PCDHGC4: variants seen among roughly 807,000 people sequenced by gnomAD.
The protein encoded by PCDHGC4 is protocadherin gamma-C4.
A neutral mutation model predicts 59.7 loss-of-function variants in PCDHGC4; 15 were observed. The observed-to-expected ratio is 0.25, with a 90% confidence interval of 0.17 to 0.39. The LOEUF (loss-of-function observed/expected upper bound fraction) is 0.39. Among genes scored for constraint, PCDHGC4 ranks in the 10% least tolerant of loss-of-function variants. PCDHGC4 has a pLI of 1.00. For synonymous variants in PCDHGC4, 434 were observed against 481.4 expected, an observed-to-expected ratio of 0.90 and a Z score of 1.29; for missense variants, 1,016 against 1,189.5, an observed-to-expected ratio of 0.85 and a Z score of 2.15.
intron 2 of PCDHGC4, among the ~76,000 whole-genome samples, chr5:141,499,884 C>T (rs917762715): frequency 2.0e-5 from 3 of 152,014 alleles, no homozygotes; most frequent in Admixed American, 6.5e-5. Flanking sequence ...AACAGGGTTT[C>T]GCCATGTTGG....
chr5:141,496,511 C>T (rs1161285563), intron 2 of PCDHGC4, among the ~76,000 whole-genome samples: 1 of 152,182 alleles, frequency 6.6e-6, no homozygotes, highest in Non-Finnish European at 1.5e-5. Flanking sequence ...CACAAGGACC[C>T]AGGAGCCCTT....
At chr5:141,506,252 C>T (rs1158047426) in intron 3 of PCDHGC4, among the ~76,000 whole-genome samples, 1 of 151,968 alleles carries the variant, frequency 6.6e-6, no homozygotes, top group African/African-American at 2.4e-5. Flanking sequence ...AGTTCGAAAC[C>T]GGCCTGGCCA....
At chr5:141,497,540 C>T (rs866982821) in intron 2 of PCDHGC4, among the ~76,000 whole-genome samples, 5 of 134,944 alleles carry the variant, frequency 3.7e-5, no homozygotes, top group African/African-American at 1.1e-4. Context: ...TGCAACAAAC[C>T]TTTTTTTTTT....
Position 141,491,456 on chromosome 5 carries a change from C to A in PCDHGC4, c.2443-3351C>A. ...TGCAGGCGCCAGGACTCACCCTCCC[C>A]GGACTTCTATAAGCAGTCCAGCCCC... On this transcript the variant is annotated intron_variant, in intron 1 of 3. Coordinates refer to ENST00000306593, the MANE Select transcript of PCDHGC4 (RefSeq NM_018928.3). The surrounding 1 kb of genome is among the most constrained non-coding windows in gnomAD (Gnocchi z 6.9). 1.2e-6 allele frequency: 2 copies of A among 1,614,104 alleles called. No homozygotes were observed.
chr5:141,499,404 T>G (rs1468724077), intron 2 of PCDHGC4, among the ~76,000 whole-genome samples: 3 of 152,178 alleles, frequency 2.0e-5, no homozygotes, highest in African/African-American at 7.2e-5. Context: ...ACATGCTCAT[T>G]ATAGAAACAT....
At chr5:141,492,659 T>C (rs2099742881) in intron 1 of PCDHGC4, among the ~76,000 whole-genome samples, 1 of 152,182 alleles carries the variant, frequency 6.6e-6, no homozygotes, top group Non-Finnish European at 1.5e-5. Context: ...GTCCGGATGG[T>C]CCCGGGACTC....
chr5:141,489,364 G>A lies in PCDHGC4; in HGVS notation c.2442+1749G>A, dbSNP rs2099686163. On this transcript the variant is annotated intron_variant, in intron 1 of 3. Coordinates refer to ENST00000306593, the MANE Select transcript of PCDHGC4 (RefSeq NM_018928.3). The surrounding 1 kb of genome is among the most constrained non-coding windows in gnomAD (Gnocchi z 4.5). The stretch of plus-strand genomic sequence containing the variant: ...CTCAGTGGTGGAGGAGTCTGAGCCG[G>A]GGACGCTGGTGGGGAATGTTGCTCA... 1 of 1,613,450 alleles carries A rather than the reference G, an allele frequency of 6.2e-7. No homozygotes were observed. The highest frequency in any genetic ancestry group is 1.1e-5 in the South Asian group (1 of 91,042).
At chr5:141,498,973 GA>G (rs1161965842) in intron 2 of PCDHGC4, among the ~76,000 whole-genome samples, 8 of 11,660 alleles carry the variant, frequency 6.9e-4, no homozygotes, top group Admixed American at 4.8e-3. Flanking sequence ...GGGAGGGAGG[GA>G]AGGAAGGAAG....
rs2099606006 is a variant in PCDHGC4, at chr5:141,485,058, G to A, written c.-116G>A. Reference sequence around the variant, plus strand: ...TAACCCTTGCGGCGCCGGCCGAACCGCGCCAGAGCTGGCGCGGGGAAAGGG... The same window carrying A: ...TAACCCTTGCGGCGCCGGCCGAACCACGCCAGAGCTGGCGCGGGGAAAGGG... On this transcript the variant is annotated 5_prime_UTR_variant, in exon 1 of 4. Coordinates refer to ENST00000306593, the MANE Select transcript of PCDHGC4 (RefSeq NM_018928.3). The surrounding 1 kb of genome is among the most constrained non-coding windows in gnomAD (Gnocchi z 5.7). 1 of 848,828 alleles carries A rather than the reference G, an allele frequency of 1.2e-6. No individual in the cohort carries two copies. The highest frequency in any genetic ancestry group is 1.9e-6 in the Non-Finnish European group (1 of 529,084). The allele number at this position is 848,828 out of a possible 1,614,324, so 52.6% of individuals were successfully genotyped here.
Position 141,511,350 on chromosome 5 carries a change from C to T in PCDHGC4, c.*177C>T, listed in dbSNP as rs1303365585. Reference sequence around the variant, plus strand: ...CCCAGTCAGCACCTACCCCTTCCCCCCCAGGGGGTTGAATATGCAAAAGCA... The same window carrying T: ...CCCAGTCAGCACCTACCCCTTCCCCTCCAGGGGGTTGAATATGCAAAAGCA... On this transcript the variant is annotated 3_prime_UTR_variant, in exon 4 of 4. Transcript: ENST00000306593. The T allele has an allele frequency of 6.4e-6, 9 of 1,397,076 alleles. No homozygotes were observed. Among genetic ancestry groups the T allele is most frequent in the Non-Finnish European group, 8.6e-6 (9 of 1,050,666 alleles). 86.5% of individuals were successfully genotyped at this position (1,397,076 alleles called of 1,614,324 possible).
At position 141,489,852 on chromosome 5, in the gene PCDHGC4, C is replaced by G. The variant is rs1197191101; in HGVS notation, c.2442+2237C>G. ...TAGAGCAGCAGCTGGATCGTGAAGC[C>G]CAGGCAAGACATCAGCTGGTGCTTA... On this transcript the variant is annotated intron_variant, in intron 1 of 3. Transcript: ENST00000306593. This position sits in a 1 kb window ranked among gnomAD's most constrained non-coding sequence, Gnocchi z 4.5. The G allele has an allele frequency of 6.2e-7, 1 of 1,614,034 alleles. No homozygotes were observed. Among genetic ancestry groups the G allele is most frequent in the Admixed American group, 1.7e-5 (1 of 60,004 alleles).
At position 141,512,903 on chromosome 5, in the gene PCDHGC4, CAA is replaced by C. The variant is rs2099884494; in HGVS notation, c.*1731_*1732del. The C allele has an allele frequency of 6.6e-6, 1 of 152,224 alleles. No individual in the cohort carries two copies. Among genetic ancestry groups the C allele is most frequent in the African/African-American group, 2.4e-5 (1 of 41,452 alleles). 9.4% of individuals were successfully genotyped at this position (152,224 alleles called of 1,614,324 possible). On this transcript the variant is annotated 3_prime_UTR_variant, in exon 4 of 4. Transcript: ENST00000306593. ...CCCCACCCTCTTCCTGTGTCTCACG[CAA>C]GTTTTATACTCTAATATTTATATGG...
chr5:141,506,815 A>G (rs2099856451), intron 3 of PCDHGC4, among the ~76,000 whole-genome samples: 1 of 152,214 alleles, frequency 6.6e-6, no homozygotes, highest in African/African-American at 2.4e-5. Flanking sequence ...GCATTGCCCT[A>G]TATCATGAAC....
intron 2 of PCDHGC4, among the ~76,000 whole-genome samples, chr5:141,502,654 C>T (rs1424933188): frequency 6.6e-6 from 1 of 152,230 alleles, no homozygotes; most frequent in South Asian, 2.1e-4. Context: ...TAGGCAGCAA[C>T]CCTTCATGCA....
In PCDHGC4 at chr5:141,491,729, C is replaced by T. The variant is rs766649819; in HGVS notation, c.2443-3078C>T. On this transcript the variant is annotated intron_variant, in intron 1 of 3. Coordinates refer to ENST00000306593, the MANE Select transcript of PCDHGC4 (RefSeq NM_018928.3). This position sits in a 1 kb window ranked among gnomAD's most constrained non-coding sequence, Gnocchi z 6.9. ...AGGGGCTCGGCGCCGCCCCGGGCGA[C>T]CCCTGGGGGCGGCACTGGAGAAGCC... 6.1e-5 allele frequency: 98 copies of T among 1,603,832 alleles called. No homozygotes were observed. Among genetic ancestry groups the T allele is most frequent in the Non-Finnish European group, 7.9e-5 (93 of 1,175,848 alleles).
rs943867570 is a variant in PCDHGC4 at position 141,493,651 on chromosome 5, T to C, written c.2443-1156T>C. On this transcript the variant is annotated intron_variant, in intron 1 of 3. Coordinates refer to ENST00000306593, the MANE Select transcript of PCDHGC4 (RefSeq NM_018928.3). The surrounding 1 kb of genome is among the most constrained non-coding windows in gnomAD (Gnocchi z 4.3). ...AGTGGCTGAGGGCTGGCCATCCCTGTGCCCTTCTCCATGGCAGCCCCAGAA... is the reference window on the plus strand; with the variant it reads ...AGTGGCTGAGGGCTGGCCATCCCTGCGCCCTTCTCCATGGCAGCCCCAGAA... Among the ~76,000 whole-genome samples, 1 of 152,204 alleles carries C rather than the reference T, an allele frequency of 6.6e-6. No individual in the cohort carries two copies. The highest frequency in any genetic ancestry group is 1.5e-5 in the Non-Finnish European group (1 of 68,030).
chr5:141,488,793 C>G (rs1274193018), intron 1 of PCDHGC4, among the ~76,000 whole-genome samples: 1 of 152,172 alleles, frequency 6.6e-6, no homozygotes, highest in African/African-American at 2.4e-5. Context: ...TTTGTCTTCC[C>G]TGTTGAGTAC....
In PCDHGC4 at chr5:141,486,499, C is replaced by G. The variant is rs1487201957; in HGVS notation, c.1326C>G (p.Phe442Leu). 2 of 1,614,010 alleles carry G rather than the reference C, an allele frequency of 1.2e-6. No homozygotes were observed. Among genetic ancestry groups the G allele is most frequent in the Non-Finnish European group, 1.7e-6 (2 of 1,179,874 alleles). The change falls in exon 1 of 4, where the codon TTC becomes TTG. Residue 442 changes from phenylalanine to leucine, a missense_variant. Coordinates refer to ENST00000306593, the MANE Select transcript of PCDHGC4 (RefSeq NM_018928.3). This position sits in a 1 kb window ranked among gnomAD's most constrained non-coding sequence, Gnocchi z 5.0. ...CTCTCAGTACCCACAGAACTATTTT[C>G]CTCAATATTTCAGATGTGAATGATA... ...NPPLSTHRTIFLNISDVNDNP... is the reference protein window; with the variant it reads ...NPPLSTHRTILLNISDVNDNP...
Position 141,489,802 on chromosome 5 carries a change from G to A in PCDHGC4, c.2442+2187G>A, listed in dbSNP as rs2099692541. On this transcript the variant is annotated intron_variant, in intron 1 of 3. Transcript: ENST00000306593. The surrounding 1 kb of genome is among the most constrained non-coding windows in gnomAD (Gnocchi z 4.5). ...TCTGAATGTGAAGACCCTAAAAGAT[G>A]GGAAGCCATTCCCAGAGCTGGTGCT... is the stretch of plus-strand genomic sequence containing the variant. 6.2e-7 allele frequency: 1 copy of A among 1,614,042 alleles called. No homozygotes were observed. The highest frequency in any genetic ancestry group is 1.1e-5 in the South Asian group (1 of 91,088).
Sources: gnomAD v4.1 joint callset for allele counts (sites outside exome capture counted in the v4.1 genomes callset) on GRCh38, gnomAD v4.1.1 for gene constraint, Gnocchi (gnomAD v3.1) non-coding constraint, MANE v1.5 for transcripts, NCBI Gene and HGNC (gene_info 2026-07-23, HGNC 2026-07-21) for gene names.